SLC25A19: variants seen among roughly 807,000 people sequenced by gnomAD.
SLC25A19 encodes the protein mitochondrial thiamine pyrophosphate carrier.
SLC25A19 carries 18 observed loss-of-function variants against 27.9 expected under a neutral mutation model. The ratio of observed to expected loss-of-function variants is 0.64; its 90% CI spans 0.45 to 0.96. SLC25A19 has a LOEUF of 0.96. Among genes scored for constraint, SLC25A19 ranks in the 40% least tolerant of loss-of-function variants. SLC25A19 has a pLI of 0.00. For missense variants in SLC25A19, 371 were observed against 418.3 expected (o/e 0.89, Z 0.99); for synonymous variants, 169 against 167.1 (o/e 1.01, Z -0.09).
intron 4 of SLC25A19, among the ~76,000 whole-genome samples, chr17:75,286,011 C>G (rs2078172225): frequency 6.6e-6 from 1 of 152,186 alleles, no homozygotes; most frequent in East Asian, 1.9e-4. Context: ...GGTGGTATTT[C>G]AAAAACTGAA....
intron 5 of SLC25A19, among the ~76,000 whole-genome samples, chr17:75,280,707 G>A (rs186403669): frequency 4.6e-5 from 7 of 152,054 alleles, no homozygotes; most frequent in Admixed American, 4.6e-4. Flanking sequence ...CAACTACTTG[G>A]GAGGCTGAGG....
intron 4 of SLC25A19, among the ~76,000 whole-genome samples, chr17:75,285,726 C>CA (rs2078164621): frequency 6.6e-6 from 1 of 152,230 alleles, no homozygotes; most frequent in Non-Finnish European, 1.5e-5. Context: ...ACTGCTGTGA[C>CA]AGAGTGTATG....
At chr17:75,288,375 A>G (rs941718422) in intron 2 of SLC25A19, 127 bp downstream of exon 2, 1 of 152,086 alleles carries the variant, frequency 6.6e-6, no homozygotes, top group African/African-American at 2.4e-5. Context: ...CCCCACTCTC[A>G]GCCCCTACTC....
chr17:75,279,710 T>A (rs931525467), intron 5 of SLC25A19, among the ~76,000 whole-genome samples: 1 of 152,088 alleles, frequency 6.6e-6, no homozygotes, highest in African/African-American at 2.4e-5. Flanking sequence ...GGTTTCATCA[T>A]GTTGGCCAGG....
chr17:75,278,192 G>A lies in SLC25A19; in HGVS notation c.603C>T (p.His201=). Residue 201 remains histidine (H), a synonymous_variant, in exon 6 of 8, where the codon CAC becomes CAT. Transcript: ENST00000416858. The part of the protein sequence containing the change: ...LQFSCYSSLK[H]LYKWAIPAEG... ...CGGCTGGTATGGCCCACTTGTACAG[G>A]TGCTTCAAGGAGCTGTAGCAAGAGA... The A allele has an allele frequency of 6.2e-7, 1 of 1,613,984 alleles. No homozygotes were observed. The highest frequency in any genetic ancestry group is 8.5e-7 in the Non-Finnish European group (1 of 1,180,032).
intron 5 of SLC25A19, among the ~76,000 whole-genome samples, chr17:75,279,796 C>T (rs972802865): frequency 6.6e-6 from 1 of 152,276 alleles, no homozygotes; most frequent in East Asian, 1.9e-4. Flanking sequence ...CGAGAGCCAT[C>T]GCGCCCAGCC....
chr17:75,287,173 G>T, intron 2 of SLC25A19: 1 of 261,384 alleles, frequency 3.8e-6, no homozygotes, highest in Non-Finnish European at 7.5e-6. Context: ...GAATGCAGTG[G>T]TGCCATCATA....
At chr17:75,281,422 C>T (rs1016698690) in intron 5 of SLC25A19, among the ~76,000 whole-genome samples, 14 of 152,224 alleles carry the variant, frequency 9.2e-5, no homozygotes, top group Non-Finnish European at 1.8e-4. Flanking sequence ...ATTGGCCGGG[C>T]GTGGTGGCTC....
chr17:75,279,229 T>C (rs1013428768), intron 5 of SLC25A19, among the ~76,000 whole-genome samples: 2 of 152,014 alleles, frequency 1.3e-5, no homozygotes, highest in African/African-American at 4.8e-5. Flanking sequence ...TAGTCGCCTC[T>C]GGGGATCGGA....
At chr17:75,277,256 G>T in intron 7 of SLC25A19, 97 bp downstream of exon 7, 1 of 1,515,298 alleles carries the variant, frequency 6.6e-7, no homozygotes. Context: ...ATGGCCAGGG[G>T]TGATGTTGCC....
chr17:75,276,076 C>G (rs2145735464), intron 7 of SLC25A19, among the ~76,000 whole-genome samples: 2 of 151,722 alleles, frequency 1.3e-5, no homozygotes, highest in East Asian at 3.9e-4. Flanking sequence ...GAGTTCGAGA[C>G]CAGCCTGGCC....
chr17:75,274,680 G>C (rs1167729313), intron 7 of SLC25A19, among the ~76,000 whole-genome samples: 1 of 152,114 alleles, frequency 6.6e-6, no homozygotes, highest in East Asian at 1.9e-4. Context: ...AGTGGTGCAT[G>C]CCTGCAGTCC....
chr17:75,277,331 TG>T, intron 7 of SLC25A19, 21 bp downstream of exon 7: 1 of 1,611,478 alleles, frequency 6.2e-7, no homozygotes, highest in Non-Finnish European at 8.5e-7. Context: ...CAGAGCTGTC[TG>T]CCTGGGAGTG....
chr17:75,278,529 A>G (rs184610642), intron 5 of SLC25A19, among the ~76,000 whole-genome samples, 194 bp from the exon 6 acceptor site: 123 of 152,270 alleles, frequency 8.1e-4, no homozygotes, highest in Admixed American at 2.9e-3. Context: ...CCTTCTACAC[A>G]TGTATACCAC....
intron 4 of SLC25A19, 118 bp downstream of exon 4, chr17:75,286,186 C>T (rs1442092771): frequency 2.8e-5 from 36 of 1,288,212 alleles, no homozygotes; most frequent in Non-Finnish European, 3.7e-5. Context: ...AGGTGGGAAG[C>T]GTGGGGCCTG....
rs1555604197 is a variant in SLC25A19, at chr17:75,284,633, CTTT to C, written c.289-1043_289-1041del. Among the ~76,000 whole-genome samples the C allele has an allele frequency of 3.6e-5, 4 of 112,286 alleles. 1 individual carries two copies. Among genetic ancestry groups the C allele is most frequent in the Admixed American group, 1.0e-4 (1 of 10,012 alleles). The allele number at this position is 112,286 out of a possible 152,430, so 73.7% of individuals were successfully genotyped here. On this transcript the variant is annotated intron_variant, in intron 4 of 7. Coordinates refer to ENST00000416858, the MANE Select transcript of SLC25A19 (RefSeq NM_001126121.2). ...GTGACCCCCTTACATTCAGATCTTTCTTTTTTTTTTTTTTTTTTTTTTTTTAGG... is the reference window on the plus strand; with the variant it reads ...GTGACCCCCTTACATTCAGATCTTTCTTTTTTTTTTTTTTTTTTTTTTAGG...
chr17:75,289,073 G>A (rs1274910830), intron 1 of SLC25A19: 1 of 152,266 alleles, frequency 6.6e-6, no homozygotes, highest in African/African-American at 2.4e-5. Flanking sequence ...ATCTGCAGAG[G>A]TCCCCGTGTG....
chr17:75,278,657 C>G (rs1004372745), intron 5 of SLC25A19, among the ~76,000 whole-genome samples: 1 of 152,094 alleles, frequency 6.6e-6, no homozygotes, highest in Admixed American at 6.6e-5. Flanking sequence ...TATGGGACAC[C>G]AGCTCACGAG....
At chr17:75,277,922 A>G (rs559813903) in intron 6 of SLC25A19, among the ~76,000 whole-genome samples, 25 of 152,182 alleles carry the variant, frequency 1.6e-4, no homozygotes, top group African/African-American at 6.0e-4. Flanking sequence ...ACCATGACCA[A>G]TCACTGGAAG....
Sources: gnomAD v4.1 joint callset for allele counts (sites outside exome capture counted in the v4.1 genomes callset) on GRCh38, gnomAD v4.1.1 for gene constraint, MANE v1.5 for transcripts, NCBI Gene and HGNC (gene_info 2026-07-23, HGNC 2026-07-21) for gene names.